Variants in PARVB observed in about 807,000 individuals in gnomAD.
PARVB encodes the protein beta-parvin.
Under a neutral mutation model 47.0 loss-of-function variants are expected in PARVB, and 46 were observed. That is an observed-to-expected ratio of 0.98 (90% confidence interval 0.77 to 1.25). The LOEUF (loss-of-function observed/expected upper bound fraction) is 1.25, where lower values mean the gene tolerates loss of function less well. Among genes scored for constraint, PARVB ranks in the 50% most tolerant of loss-of-function variants. PARVB has a pLI of 0.00. For synonymous variants in PARVB, 196 were observed against 196.3 expected (o/e 1.00, Z 0.01); for missense variants, 473 against 471.6 (o/e 1.00, Z -0.03).
At chr22:44,135,728 A>G (rs2053428903) in intron 6 of PARVB, among the ~76,000 whole-genome samples, 1 of 152,214 alleles carries the variant, frequency 6.6e-6, no homozygotes, top group South Asian at 2.1e-4. Context: ...TTGTCAGGGT[A>G]GGATGTCCTC....
chr22:44,048,588 G>A (rs1458249929), intron 1 of PARVB, among the ~76,000 whole-genome samples: 1 of 151,996 alleles, frequency 6.6e-6, no homozygotes, highest in Non-Finnish European at 1.5e-5. Flanking sequence ...TTGAGACGGA[G>A]TCTTGCTCTG....
chr22:44,076,164 C>T (rs1383832792), intron 1 of PARVB, among the ~76,000 whole-genome samples: 1 of 152,236 alleles, frequency 6.6e-6, no homozygotes, highest in Non-Finnish European at 1.5e-5. Context: ...TTGTGAGTTT[C>T]TCCATGAGGT....
At chr22:44,098,957 G>C (rs2147062319) in intron 2 of PARVB, among the ~76,000 whole-genome samples, 1 of 152,274 alleles carries the variant, frequency 6.6e-6, no homozygotes, top group East Asian at 1.9e-4. Context: ...TTGTAGGCAG[G>C]AGCCACTTAC....
intron 1 of PARVB, among the ~76,000 whole-genome samples, chr22:44,055,341 C>T (rs571750791): frequency 6.6e-6 from 1 of 151,830 alleles, no homozygotes; most frequent in African/African-American, 2.4e-5. Context: ...GTAGCTCTCT[C>T]TGTCTCTTTT....
At chr22:44,064,137 G>A (rs73181222) in intron 1 of PARVB, among the ~76,000 whole-genome samples, 18,702 of 152,188 alleles carry the variant, frequency 0.12, 1,528 homozygotes, top group Middle Eastern at 0.21. Flanking sequence ...TTAAGATGCT[G>A]GGGATCGCAT....
Position 44,132,563 on chromosome 22 carries a change from C to T in PARVB, c.518-331C>T, listed in dbSNP as rs1042296018. 3.9e-5 allele frequency among the ~76,000 whole-genome samples: 6 copies of T among 152,132 alleles called. No individual in the cohort carries two copies. The East Asian group carries it at 7.7e-4, about 20-fold the overall frequency. On this transcript the variant is annotated intron_variant, in intron 5 of 12. Coordinates refer to ENST00000338758, the MANE Select transcript of PARVB (RefSeq NM_013327.5). ...CACATCCTTGTGATGGGTAAGTGGCCGTGACCTGCTTTCCATGCTCTTTTC... is the reference window on the plus strand; with the variant it reads ...CACATCCTTGTGATGGGTAAGTGGCTGTGACCTGCTTTCCATGCTCTTTTC...
Position 44,115,277 on chromosome 22 carries a change from C to G in PARVB, c.274-3761C>G, listed in dbSNP as rs537345341. On this transcript the variant is annotated intron_variant, in intron 3 of 12. Coordinates refer to ENST00000338758, the MANE Select transcript of PARVB (RefSeq NM_013327.5). ...AGATACATTGTTACTAAGTAAGGCC[C>G]TGCACCAACACAGATACATTGTTAC... 11 of 65,564 alleles carry G rather than the reference C, an allele frequency of 1.7e-4. 1 individual carries two copies. Among genetic ancestry groups the G allele is most frequent in the African/African-American group, 8.9e-4 (11 of 12,406 alleles). 4.1% of individuals were successfully genotyped at this position (65,564 alleles called of 1,614,324 possible). A position where few individuals can be genotyped will look rare whatever the true frequency, so the allele number is the denominator to read the frequency against.
At chr22:44,018,938 A>T (rs2050614298) in intron 2 of PARVB, among the ~76,000 whole-genome samples, 1 of 152,182 alleles carries the variant, frequency 6.6e-6, no homozygotes, top group African/African-American at 2.4e-5. Flanking sequence ...TTATTTAGAG[A>T]CAAAGTCTCG....
chr22:44,029,834 C>T (rs969057575), intron 1 of PARVB, among the ~76,000 whole-genome samples: 27 of 151,918 alleles, frequency 1.8e-4, no homozygotes, highest in African/African-American at 6.0e-4. Flanking sequence ...CACTCGAACC[C>T]GGGAAGCAGA....
chr22:44,039,957 G>T, intron 1 of PARVB: 1 of 424,056 alleles, frequency 2.4e-6, no homozygotes, highest in Non-Finnish European at 4.8e-6. Flanking sequence ...GAGGACCACA[G>T]GTGTGTACCA....
chr22:44,159,276 G>T (rs1401250690), intron 11 of PARVB, among the ~76,000 whole-genome samples: 1 of 152,216 alleles, frequency 6.6e-6, no homozygotes, highest in Non-Finnish European at 1.5e-5. Context: ...CTTCAAACTA[G>T]TAAGAATGCT....
At chr22:44,133,123 A>AT in intron 6 of PARVB, 114 bp downstream of exon 6, 1 of 598,246 alleles carries the variant, frequency 1.7e-6, no homozygotes, top group Non-Finnish European at 2.9e-6. Context: ...GCTACCTTCT[A>AT]TTTTTCCCTT....
chr22:44,110,173 C>G (rs912837878), intron 3 of PARVB: 2 of 151,254 alleles, frequency 1.3e-5, no homozygotes, highest in African/African-American at 4.9e-5. Flanking sequence ...GCAGTTTGAG[C>G]CCCTTCTGTG....
intron 1 of PARVB, among the ~76,000 whole-genome samples, chr22:44,081,400 C>T (rs2051896386): frequency 6.6e-6 from 1 of 152,226 alleles, no homozygotes; most frequent in Non-Finnish European, 1.5e-5. Flanking sequence ...TGGCCTTTCC[C>T]ACATCCCCGT....
At chr22:44,031,376 C>T (rs6006479) in intron 1 of PARVB, 32,194 of 152,186 alleles carry the variant, frequency 0.21, 4,163 homozygotes, top group African/African-American at 0.37. Context: ...TTGTGTGTTC[C>T]GCCCATGCGT....
At chr22:44,158,266 C>T (rs930433210) in intron 11 of PARVB, among the ~76,000 whole-genome samples, 183 bp downstream of exon 11, 4 of 152,254 alleles carry the variant, frequency 2.6e-5, no homozygotes, top group African/African-American at 9.6e-5. Context: ...CATCAGCCGT[C>T]CACAACGCAT....
upstream of PARVB, among the ~76,000 whole-genome samples, chr22:44,023,643 TC>T (rs2050682245): frequency 6.6e-6 from 1 of 152,156 alleles, no homozygotes; most frequent in South Asian, 2.1e-4. Flanking sequence ...TGAAGCCGTT[TC>T]CTCTGCTTCC....
At chr22:44,003,389 G>A (rs1433105464) in intron 2 of PARVB, among the ~76,000 whole-genome samples, 1 of 152,202 alleles carries the variant, frequency 6.6e-6, no homozygotes, top group East Asian at 1.9e-4. Flanking sequence ...TGGCCTTGGG[G>A]ATGAAAGGTG....
At chr22:44,109,729 C>T (rs1254748272) in intron 3 of PARVB, 1 of 149,660 alleles carries the variant, frequency 6.7e-6, no homozygotes, top group Admixed American at 6.7e-5. Context: ...CCAGATGTGA[C>T]TTTTTTTTTT....
Sources: gnomAD v4.1 joint callset for allele counts (sites outside exome capture counted in the v4.1 genomes callset) on GRCh38, gnomAD v4.1.1 for gene constraint, MANE v1.5 for transcripts, NCBI Gene and HGNC (gene_info 2026-07-23, HGNC 2026-07-21) for gene names.